Variants in IGF1R observed in about 807,000 individuals in gnomAD.
The protein encoded by IGF1R is insulin like growth factor 1 receptor.
A neutral mutation model predicts 144.6 loss-of-function variants in IGF1R; 44 were observed. The observed-to-expected ratio is 0.30, with a 90% confidence interval of 0.24 to 0.39. IGF1R has a LOEUF of 0.39. Ranked by LOEUF, IGF1R falls within the 10% of genes least tolerant of loss-of-function variation. IGF1R has a pLI of 1.00. For missense variants in IGF1R, 1,355 were observed against 1,833.7 expected (o/e 0.74, Z 4.77); for synonymous variants, 795 against 722.8 (o/e 1.10, Z -1.60).
chr15:98,876,270 C>G (rs1374597457), intron 2 of IGF1R, among the ~76,000 whole-genome samples: 1 of 150,618 alleles, frequency 6.6e-6, no homozygotes, highest in Non-Finnish European at 1.5e-5. Flanking sequence ...TCATTTGAAC[C>G]CAATTTTACC....
chr15:98,867,346 T>G (rs1338585091), intron 2 of IGF1R, among the ~76,000 whole-genome samples: 1 of 152,204 alleles, frequency 6.6e-6, no homozygotes, highest in East Asian at 1.9e-4. Context: ...GAGCTAATTT[T>G]TAAGAATTTT....
chr15:98,726,780 T>C (rs1441416443), intron 2 of IGF1R, among the ~76,000 whole-genome samples: 4 of 147,336 alleles, frequency 2.7e-5, no homozygotes, highest in East Asian at 4.0e-4. Flanking sequence ...AGTGCAATGG[T>C]GTGATCTTGG....
Position 98,957,242 on chromosome 15 carries a change from A to C in IGF1R, c.3904A>C (p.Ser1302Arg). 2 of 1,614,118 alleles carry C rather than the reference A, an allele frequency of 1.2e-6. No individual in the cohort carries two copies. Among genetic ancestry groups the C allele is most frequent in the Non-Finnish European group, 1.7e-6 (2 of 1,180,018 alleles). Reference protein sequence around the residue: ...ELDLEPENMESVPLDPSASSS... With the variant: ...ELDLEPENMERVPLDPSASSS... Reference sequence around the variant, plus strand: ...GGACCTGGAGCCAGAGAACATGGAGAGCGTCCCCCTGGACCCCTCGGCCTC... The same window carrying C: ...GGACCTGGAGCCAGAGAACATGGAGCGCGTCCCCCTGGACCCCTCGGCCTC... The change falls in exon 21 of 21, where the codon AGC (serine) becomes CGC (arginine). Residue 1302 changes from serine to arginine, a missense_variant. Around this residue, in one of 7 missense-constraint regions of IGF1R, gnomAD observed 219 missense variants for 188.8 expected, o/e 1.16. Coordinates refer to ENST00000650285, the MANE Select transcript of IGF1R (RefSeq NM_000875.5).
At chr15:98,921,140 C>CCT (rs778204198) in intron 10 of IGF1R, among the ~76,000 whole-genome samples, 43 of 152,358 alleles carry the variant, frequency 2.8e-4, no homozygotes, top group Non-Finnish European at 5.6e-4. Flanking sequence ...CAGCCGAAGG[C>CCT]CTCAGCCCTG....
intron 2 of IGF1R, among the ~76,000 whole-genome samples, chr15:98,804,349 A>G (rs2056426720): frequency 6.6e-6 from 1 of 152,226 alleles, no homozygotes; most frequent in Non-Finnish European, 1.5e-5. Context: ...GTAATCTTCC[A>G]CTTCTGAATA....
At chr15:98,947,909 A>G (rs529128851) in intron 19 of IGF1R, among the ~76,000 whole-genome samples, 13 of 152,180 alleles carry the variant, frequency 8.5e-5, no homozygotes, top group African/African-American at 2.6e-4. Context: ...CCTTGGCCCA[A>G]CTGGACCTCA....
At chr15:98,911,253 A>G in intron 6 of IGF1R, 62 bp from the exon 7 acceptor site, 1 of 1,607,556 alleles carries the variant, frequency 6.2e-7, no homozygotes, top group South Asian at 1.1e-5. Flanking sequence ...GTGCCAAGCA[A>G]GACAGGTGCT....
At chr15:98,913,788 T>C (rs992894395) in intron 8 of IGF1R, among the ~76,000 whole-genome samples, 8 of 152,228 alleles carry the variant, frequency 5.3e-5, no homozygotes, top group Admixed American at 5.2e-4. Flanking sequence ...GGTTCCTCCT[T>C]CCTTTATCTT....
intron 2 of IGF1R, among the ~76,000 whole-genome samples, chr15:98,829,323 G>C (rs1246545021): frequency 6.6e-6 from 1 of 151,636 alleles, no homozygotes; most frequent in Non-Finnish European, 1.5e-5. Context: ...TGCTGCGATG[G>C]AATTGCTCTG....
In IGF1R at chr15:98,909,761, G is replaced by C. The variant is rs144796210; in HGVS notation, c.1462+862G>C. 4.4e-3 allele frequency among the ~76,000 whole-genome samples: 666 copies of C among 152,298 alleles called. 6 individuals carry two copies. Among genetic ancestry groups the C allele is most frequent in the African/African-American group, 0.015 (644 of 41,566 alleles). On this transcript the variant is annotated intron_variant, in intron 6 of 20. Coordinates refer to ENST00000650285, the MANE Select transcript of IGF1R (RefSeq NM_000875.5). ...ATGAAAAAGATGGAGTGAGCCTGCA[G>C]CCCTGAGTTGATATTGCTTTTTAAA...
chr15:98,925,583 T>C (rs896315916), intron 13 of IGF1R, among the ~76,000 whole-genome samples: 1 of 152,254 alleles, frequency 6.6e-6, no homozygotes, highest in Admixed American at 6.5e-5. Context: ...TCCACATTTC[T>C]GCTACTCACA....
At chr15:98,774,682 C>T (rs1337276173) in intron 2 of IGF1R, among the ~76,000 whole-genome samples, 4 of 58,924 alleles carry the variant, frequency 6.8e-5, no homozygotes, top group South Asian at 6.5e-4. Context: ...ATGATGGCTG[C>T]GGTGGTGGGG....
chr15:98,932,314 C>T (rs1226949046), intron 15 of IGF1R, among the ~76,000 whole-genome samples: 1 of 152,194 alleles, frequency 6.6e-6, no homozygotes, highest in African/African-American at 2.4e-5. Flanking sequence ...AACAAAATGA[C>T]ATTGCAGTTC....
intron 2 of IGF1R, among the ~76,000 whole-genome samples, chr15:98,878,693 A>AAAAAAAAAC (rs1567174382): frequency 2.0e-4 from 25 of 126,128 alleles, no homozygotes; most frequent in African/African-American, 8.6e-4. Flanking sequence ...AAAAAAAAAA[A>AAAAAAAAAC]AACAACAACA....
At chr15:98,714,260 G>A (rs1227449399) in intron 2 of IGF1R, among the ~76,000 whole-genome samples, 1 of 152,082 alleles carries the variant, frequency 6.6e-6, no homozygotes, top group East Asian at 1.9e-4. Context: ...GTGTTGTCTT[G>A]CGGAGTAGAG....
Position 98,923,967 on chromosome 15 carries a change from T to C in IGF1R, c.2577T>C (p.Asn859=), listed in dbSNP as rs2015600794. Residue 859 remains asparagine (N), a synonymous_variant, in exon 12 of 21, where the codon AAT becomes AAC. Transcript: ENST00000650285. The stretch of plus-strand genomic sequence containing the variant: ...AGTGGCCGGAACCTGAGAATCCCAA[T>C]GGATTGATTCTAATGTATGAAATAA... ...FLKWPEPENP[N]GLILMYEIKY... 6 of 1,613,912 alleles carry C rather than the reference T, an allele frequency of 3.7e-6. No homozygotes were observed. The highest frequency in any genetic ancestry group is 5.1e-6 in the Non-Finnish European group (6 of 1,179,770).
intron 2 of IGF1R, among the ~76,000 whole-genome samples, chr15:98,807,118 G>A (rs868757951): frequency 2.6e-5 from 4 of 152,210 alleles, no homozygotes; most frequent in Non-Finnish European, 4.4e-5. Flanking sequence ...CCTGTACCTG[G>A]CTTACAGTTG....
At chr15:98,939,985 T>C (rs1159161265) in intron 18 of IGF1R, among the ~76,000 whole-genome samples, 1 of 152,184 alleles carries the variant, frequency 6.6e-6, no homozygotes, top group African/African-American at 2.4e-5. Context: ...CTGGTTAGAC[T>C]CCCTTGTTGC....
At chr15:98,780,549 C>CAAAA (rs1192949160) in intron 2 of IGF1R, among the ~76,000 whole-genome samples, 5 of 24,012 alleles carry the variant, frequency 2.1e-4, no homozygotes, top group East Asian at 3.4e-3. Flanking sequence ...AACTCTGTCT[C>CAAAA]AAAAAAAAAA....
Sources: gnomAD v4.1 joint callset for allele counts (sites outside exome capture counted in the v4.1 genomes callset) on GRCh38, gnomAD v4.1.1 for gene constraint, gnomAD v4.1.1 regional missense constraint, MANE v1.5 for transcripts, NCBI Gene and HGNC (gene_info 2026-07-23, HGNC 2026-07-21) for gene names.